CIMIP6: variants seen among roughly 807,000 people sequenced by gnomAD.
The protein encoded by CIMIP6 is uncharacterized protein C2orf73.
chr2:54,339,822 C>A, the CIMIP6 span: 1 of 127,360 alleles, frequency 7.9e-6, no homozygotes, highest in South Asian at 1.6e-4. Flanking sequence ...GGCTTACGAC[C>A]TCTTGCATTC....
At chr2:54,338,429 C>T in the CIMIP6 span, among the ~76,000 whole-genome samples, 29 of 76,220 alleles carry the variant, frequency 3.8e-4, 12 homozygotes, top group African/African-American at 1.2e-3. Context: ...AGCAAGACCC[C>T]ATCTCTAAAA....
At chr2:54,371,744 T>C in the CIMIP6 span, among the ~76,000 whole-genome samples, 1 of 152,316 alleles carries the variant, frequency 6.6e-6, no homozygotes, top group South Asian at 2.1e-4. Flanking sequence ...GCCAGGAAGC[T>C]AATCCCACAA....
the CIMIP6 span, among the ~76,000 whole-genome samples, chr2:54,377,837 C>A: frequency 1.7e-4 from 26 of 152,252 alleles, no homozygotes; most frequent in South Asian, 1.0e-3. Context: ...TTTCATTAAC[C>A]TTTAAGCCTT....
At chr2:54,331,407 T>C in the CIMIP6 span, among the ~76,000 whole-genome samples, 1 of 152,154 alleles carries the variant, frequency 6.6e-6, no homozygotes, top group East Asian at 1.9e-4. Flanking sequence ...GCTTTTCCCT[T>C]ACCCCTCTGC....
the CIMIP6 span, among the ~76,000 whole-genome samples, chr2:54,338,312 G>A: frequency 2.6e-5 from 4 of 152,098 alleles, no homozygotes; most frequent in Admixed American, 1.3e-4. Flanking sequence ...GCAAGCCTCC[G>A]TAGTCCCAGC....
the CIMIP6 span, among the ~76,000 whole-genome samples, chr2:54,372,861 T>C: frequency 6.6e-6 from 1 of 152,194 alleles, no homozygotes; most frequent in African/African-American, 2.4e-5. Flanking sequence ...AATAGCTAAC[T>C]GGCACTCTTG....
At chr2:54,364,399 G>C in the CIMIP6 span, among the ~76,000 whole-genome samples, 1 of 152,124 alleles carries the variant, frequency 6.6e-6, no homozygotes, top group Admixed American at 6.6e-5. Flanking sequence ...TTTAATGAAG[G>C]TGCTAATGGT....
At chr2:54,371,883 C>G in the CIMIP6 span, among the ~76,000 whole-genome samples, 2 of 152,306 alleles carry the variant, frequency 1.3e-5, no homozygotes, top group African/African-American at 4.8e-5. Context: ...CACTTGCTGG[C>G]TGTGTGACCT....
At chr2:54,372,489 A>T in the CIMIP6 span, among the ~76,000 whole-genome samples, 4 of 152,156 alleles carry the variant, frequency 2.6e-5, no homozygotes, top group African/African-American at 7.2e-5. Context: ...AATCTGGGCA[A>T]GCTTGTGACT....
At chr2:54,333,885 C>G in the CIMIP6 span, among the ~76,000 whole-genome samples, 3 of 151,878 alleles carry the variant, frequency 2.0e-5, no homozygotes, top group Non-Finnish European at 2.9e-5. Flanking sequence ...AGTAAGACTC[C>G]GTCTCAAAAA....
chr2:54,364,125 G>T, the CIMIP6 span, among the ~76,000 whole-genome samples: 1 of 152,168 alleles, frequency 6.6e-6, no homozygotes, highest in Non-Finnish European at 1.5e-5. Context: ...TGATTTCCAG[G>T]TTTAAGTCTC....
chr2:54,362,173 C>T, the CIMIP6 span, among the ~76,000 whole-genome samples: 3 of 152,096 alleles, frequency 2.0e-5, no homozygotes, highest in African/African-American at 7.2e-5. Context: ...CAAATGCAAA[C>T]CCTCCCTGGA....
chr2:54,377,787 G>C, the CIMIP6 span, among the ~76,000 whole-genome samples: 3 of 151,784 alleles, frequency 2.0e-5, no homozygotes, highest in Admixed American at 2.0e-4. Flanking sequence ...ACAGATGTTG[G>C]AGTCAAATAG....
chr2:54,346,535 A>G, the CIMIP6 span, among the ~76,000 whole-genome samples: 1 of 152,178 alleles, frequency 6.6e-6, no homozygotes. Context: ...TCCTCCATCC[A>G]AACTTATCCT....
the CIMIP6 span, among the ~76,000 whole-genome samples, chr2:54,373,666 T>C: frequency 1.3e-5 from 2 of 152,176 alleles, no homozygotes; most frequent in Non-Finnish European, 2.9e-5. Context: ...CCTCAAAAAC[T>C]GTAGGTGGCT....
the CIMIP6 span, among the ~76,000 whole-genome samples, chr2:54,376,252 C>T: frequency 2.3e-4 from 35 of 151,948 alleles, 1 homozygote; most frequent in African/African-American, 6.3e-4. Context: ...CCATGTTGCC[C>T]GAGCTGGTCT....
chr2:54,350,344 G>A, the CIMIP6 span, among the ~76,000 whole-genome samples: 1 of 152,146 alleles, frequency 6.6e-6, no homozygotes, highest in African/African-American at 2.4e-5. Context: ...TGCAATCTTG[G>A]CTGAGTTCAG....
the CIMIP6 span, chr2:54,361,650 A>G: frequency 6.6e-6 from 1 of 152,148 alleles, no homozygotes; most frequent in Non-Finnish European, 1.5e-5. Flanking sequence ...TCTCCAATGT[A>G]TATCTTGGAG....
the CIMIP6 span, chr2:54,381,828 T>A: frequency 6.6e-7 from 1 of 1,524,650 alleles, no homozygotes. Flanking sequence ...TCAGTGGGTG[T>A]TCTTGTCTTC....
Sources: allele counts gnomAD v4.1 joint callset (sites outside exome capture counted in the v4.1 genomes callset), GRCh38; gene constraint gnomAD v4.1.1; transcripts MANE v1.5; gene names NCBI Gene and HGNC (gene_info 2026-07-23, HGNC 2026-07-21).